The following PTPRT variants were observed in gnomAD, a reference collection of about 807,000 sequenced individuals.
The protein encoded by PTPRT is receptor-type tyrosine-protein phosphatase T.
PTPRT carries 56 observed loss-of-function variants against 176.8 expected under a neutral mutation model. That is an observed-to-expected ratio of 0.32 (90% CI 0.26 to 0.40). PTPRT has a LOEUF of 0.40. PTPRT is among the 10% of genes least tolerant of loss of function. PTPRT has a pLI of 1.00. For synonymous variants in PTPRT, 783 were observed against 739.0 expected (o/e 1.06, Z -0.96); for missense variants, 1,540 against 1,908.2 (o/e 0.81, Z 3.60).
chr20:42,394,642 C>G (rs1456941880), intron 9 of PTPRT, among the ~76,000 whole-genome samples: 1 of 152,106 alleles, frequency 6.6e-6, no homozygotes, highest in Non-Finnish European at 1.5e-5. Flanking sequence ...ACACATTTTC[C>G]ATATGGTATA....
intron 6 of PTPRT, among the ~76,000 whole-genome samples, chr20:42,735,679 CCAAGAATCG>C (rs1479463641): frequency 6.6e-6 from 1 of 152,044 alleles, no homozygotes; most frequent in African/African-American, 2.4e-5. Context: ...CAGAAGTCTC[CCAAGAATCG>C]CAAGGAAGGC....
At chr20:42,336,039 C>T (rs889564930) in intron 11 of PTPRT, among the ~76,000 whole-genome samples, 3 of 151,962 alleles carry the variant, frequency 2.0e-5, no homozygotes, top group East Asian at 1.9e-4. Flanking sequence ...AGGGTTTTGA[C>T]GATAATCAAC....
In PTPRT at chr20:42,823,303, C is replaced by T. The variant is rs1029300482; in HGVS notation, c.215-31837G>A. On this transcript the variant is annotated intron_variant, in intron 2 of 30. Transcript: ENST00000373187. ...AACAGAGGAACAGAAAACCAAACACCGCATGTTCTCACTTATAAGTGGGAG... is the reference window on the plus strand; with the variant it reads ...AACAGAGGAACAGAAAACCAAACACTGCATGTTCTCACTTATAAGTGGGAG... Among the ~76,000 whole-genome samples, 6 of 152,096 alleles carry T rather than the reference C, an allele frequency of 3.9e-5. No homozygotes were observed. The South Asian group carries it at 6.2e-4, about 16-fold the overall frequency.
At chr20:42,466,802 C>T (rs1408928712) in intron 8 of PTPRT, among the ~76,000 whole-genome samples, 1 of 152,024 alleles carries the variant, frequency 6.6e-6, no homozygotes, top group Non-Finnish European at 1.5e-5. Flanking sequence ...GCCAAAATAC[C>T]ACTCCCCATT....
intron 1 of PTPRT, among the ~76,000 whole-genome samples, chr20:43,096,283 C>T (rs1285646989): frequency 6.6e-6 from 1 of 152,102 alleles, no homozygotes; most frequent in African/African-American, 2.4e-5. Flanking sequence ...AAACTTCCCA[C>T]CACCTGACTT....
chr20:42,654,316 A>T (rs1156383511), intron 7 of PTPRT, among the ~76,000 whole-genome samples: 19 of 152,152 alleles, frequency 1.2e-4, no homozygotes, highest in Admixed American at 1.2e-3. Context: ...CAGTGCATTC[A>T]AGGATGAAGA....
chr20:42,227,346 G>A (rs1600701867), intron 15 of PTPRT, among the ~76,000 whole-genome samples: 1 of 152,160 alleles, frequency 6.6e-6, no homozygotes, highest in East Asian at 1.9e-4. Context: ...GTGTCAACCA[G>A]TGAGTAGATG....
At chr20:42,365,675 A>T (rs1039828872) in intron 9 of PTPRT, among the ~76,000 whole-genome samples, 1 of 152,168 alleles carries the variant, frequency 6.6e-6, no homozygotes, top group African/African-American at 2.4e-5. Context: ...AAAAATTAAA[A>T]TCATGAAAAA....
rs541530861 is a variant in PTPRT at position 42,733,676 on chromosome 20, G to A, written c.859+22786C>T. 1.2e-4 allele frequency among the ~76,000 whole-genome samples: 19 copies of A among 152,318 alleles called. No homozygotes were observed. In the South Asian group the frequency reaches 3.7e-3, roughly 30 times the overall value. Reference sequence around the variant, plus strand: ...TTGCAATCAATATGCTGCTTTTGCAGTTGCTCCATCCACTGCCCTTGCAGC... The same window carrying A: ...TTGCAATCAATATGCTGCTTTTGCAATTGCTCCATCCACTGCCCTTGCAGC... On this transcript the variant is annotated intron_variant, in intron 6 of 30. Coordinates refer to ENST00000373187, the MANE Select transcript of PTPRT (RefSeq NM_007050.6).
chr20:43,004,162 C>A (rs1190978168), intron 1 of PTPRT, among the ~76,000 whole-genome samples: 1 of 131,870 alleles, frequency 7.6e-6, no homozygotes. Flanking sequence ...TAAATCACAA[C>A]CAAGATGTAA....
At chr20:43,056,686 C>T (rs1987246562) in intron 1 of PTPRT, among the ~76,000 whole-genome samples, 1 of 152,114 alleles carries the variant, frequency 6.6e-6, no homozygotes, top group Non-Finnish European at 1.5e-5. Context: ...AGATCTCAGA[C>T]ACATTGAGCC....
At chr20:42,158,932 T>C (rs984788160) in intron 17 of PTPRT, among the ~76,000 whole-genome samples, 1 of 152,138 alleles carries the variant, frequency 6.6e-6, no homozygotes, top group Non-Finnish European at 1.5e-5. Context: ...TACAAAAGGG[T>C]ACAACGAAGA....
intron 1 of PTPRT, among the ~76,000 whole-genome samples, chr20:42,994,700 T>C (rs1984131857): frequency 6.6e-6 from 1 of 152,242 alleles, no homozygotes; most frequent in Admixed American, 6.5e-5. Flanking sequence ...AAAATTCACA[T>C]AAATTTTTAA....
Position 42,953,162 on chromosome 20 carries a change from C to A in PTPRT, c.89-67230G>T, listed in dbSNP as rs138457476. Among the ~76,000 whole-genome samples the A allele has an allele frequency of 2.0e-5, 3 of 152,310 alleles. No individual in the cohort carries two copies. The East Asian group carries it at 5.8e-4, about 29-fold the overall frequency. The stretch of plus-strand genomic sequence containing the variant: ...TGGAGGAAAGGAAACCAAATCTAAA[C>A]TAAATGACAGCTCCCTTGAGTAGGT... On this transcript the variant is annotated intron_variant, in intron 1 of 30. Coordinates refer to ENST00000373187, the MANE Select transcript of PTPRT (RefSeq NM_007050.6).
intron 1 of PTPRT, among the ~76,000 whole-genome samples, chr20:43,157,632 A>G (rs1298325268): frequency 6.6e-6 from 1 of 152,138 alleles, no homozygotes; most frequent in African/African-American, 2.4e-5. Context: ...AGACCAATTA[A>G]TGTCAATTAG....
At chr20:43,169,145 C>T (rs570430614) in intron 1 of PTPRT, among the ~76,000 whole-genome samples, 21 of 152,274 alleles carry the variant, frequency 1.4e-4, no homozygotes, top group Middle Eastern at 3.4e-3. Flanking sequence ...ATCCAGCTTC[C>T]TATCTGCAAA....
At chr20:43,051,363 C>A (rs568878789) in intron 1 of PTPRT, among the ~76,000 whole-genome samples, 1 of 152,310 alleles carries the variant, frequency 6.6e-6, no homozygotes, top group East Asian at 1.9e-4. Context: ...GCATTCTGTG[C>A]ATTTCAATCA....
chr20:42,632,034 C>T (rs763263527), intron 7 of PTPRT, among the ~76,000 whole-genome samples: 10 of 152,126 alleles, frequency 6.6e-5, no homozygotes, highest in Admixed American at 2.0e-4. Flanking sequence ...GGTTGGACGC[C>T]GGAGACTGAG....
intron 19 of PTPRT, among the ~76,000 whole-genome samples, chr20:42,127,087 GC>G: frequency 6.6e-6 from 1 of 152,368 alleles, no homozygotes; most frequent in Non-Finnish European, 1.5e-5. Context: ...TGATGGAGGA[GC>G]CAAGATGCCA....
Sources: allele counts gnomAD v4.1 joint callset (sites outside exome capture counted in the v4.1 genomes callset), GRCh38; gene constraint gnomAD v4.1.1; transcripts MANE v1.5; gene names NCBI Gene and HGNC (gene_info 2026-07-23, HGNC 2026-07-21).